ADGRA3: variants seen among roughly 807,000 people sequenced by gnomAD.
ADGRA3 encodes the protein G-protein coupled receptor 125.
Under a neutral mutation model 119.8 loss-of-function variants are expected in ADGRA3, and 56 were observed. That is an observed-to-expected ratio of 0.47 (90% confidence interval 0.38 to 0.58). The LOEUF (loss-of-function observed/expected upper bound fraction) is 0.58. Ranked by LOEUF, ADGRA3 falls within the 20% of genes least tolerant of loss-of-function variation. ADGRA3 has a pLI of 0.00. For missense variants in ADGRA3, 1,516 were observed against 1,649.0 expected, an observed-to-expected ratio of 0.92 and a Z score of 1.40; for synonymous variants, 607 against 623.8, an observed-to-expected ratio of 0.97 and a Z score of 0.40.
At chr4:22,498,868 C>T (rs1296832512) in intron 1 of ADGRA3, among the ~76,000 whole-genome samples, 1 of 151,600 alleles carries the variant, frequency 6.6e-6, no homozygotes, top group Non-Finnish European at 1.5e-5. Context: ...GAGCAGAGAT[C>T]ACACCACTGC....
rs2109062548 is a variant in ADGRA3 at position 22,436,706 on chromosome 4, A to AGC, written c.1086-67_1086-66dup. On this transcript the variant is annotated intron_variant, in intron 8 of 18. Coordinates refer to ENST00000334304, the MANE Select transcript of ADGRA3 (RefSeq NM_145290.4). Reference sequence around the variant, plus strand: ...ACACGGGTACATCAAGAATAACAACAGCAGAGAAAAAAATCAAAGATGAAG... The same window carrying AGC: ...ACACGGGTACATCAAGAATAACAACAGCGCAGAGAAAAAAATCAAAGATGAAG... The AGC allele has an allele frequency of 2.2e-6, 3 of 1,379,202 alleles. No homozygotes were observed. In the East Asian group the frequency reaches 7.0e-5, roughly 32 times the overall value. The allele number at this position is 1,379,202 out of a possible 1,614,324, so 85.4% of individuals were successfully genotyped here. A position where few individuals can be genotyped will look rare whatever the true frequency, so the allele number is the denominator to read the frequency against.
At chr4:22,413,150 G>C in intron 14 of ADGRA3, 32 bp downstream of exon 14, 1 of 1,464,836 alleles carries the variant, frequency 6.8e-7, no homozygotes, top group Non-Finnish European at 9.6e-7. Flanking sequence ...ATGTAGAATA[G>C]TGTTTATGCA....
chr4:22,394,107 A>C (rs1290543876), intron 16 of ADGRA3: 3 of 152,138 alleles, frequency 2.0e-5, no homozygotes, highest in Non-Finnish European at 2.9e-5. Flanking sequence ...TTTTTTAATC[A>C]CTGCTTTTTT....
chr4:22,443,786 C>G (rs1176885909), intron 6 of ADGRA3, among the ~76,000 whole-genome samples: 1 of 152,114 alleles, frequency 6.6e-6, no homozygotes, highest in Admixed American at 6.6e-5. Flanking sequence ...GGTCTTAACA[C>G]TAGCTATTTT....
intron 1 of ADGRA3, among the ~76,000 whole-genome samples, chr4:22,511,683 G>T (rs1002354634): frequency 6.6e-6 from 1 of 152,022 alleles, no homozygotes; most frequent in East Asian, 1.9e-4. Context: ...CAGGGAGCCT[G>T]GCCATCCTCG....
Position 22,413,781 on chromosome 4 carries a change from G to C in ADGRA3, c.1843C>G (p.Pro615Ala). 6.2e-7 allele frequency: 1 copy of C among 1,613,642 alleles called. No homozygotes were observed. The highest frequency in any genetic ancestry group is 8.5e-7 in the Non-Finnish European group (1 of 1,179,790). Residue 615 changes from proline to alanine, a missense_variant, in exon 13 of 19, where the codon CCT becomes GCT. By Grantham distance (27) the Pro-to-Ala change is conservative (BLOSUM62 -1). Around this residue, in one of 2 missense-constraint regions of ADGRA3, gnomAD observed 1,088 missense variants for 1,107.1 expected, o/e 0.98. Transcript: ENST00000334304. ...TTTTGCTTTGGTGAGAAAAGGGAAG[G>C]AGGAAGCTGAATAGAAGCCTCCACA... ...TIVEASIQLP[P>A]SLFSPKQKRE...
At chr4:22,394,622 T>C (rs550339084) in intron 16 of ADGRA3, 2 of 152,342 alleles carry the variant, frequency 1.3e-5, no homozygotes, top group Admixed American at 6.5e-5. Context: ...CTACTATTGC[T>C]GGAGGTGTCT....
intron 4 of ADGRA3, among the ~76,000 whole-genome samples, chr4:22,451,809 C>T (rs1051291019): frequency 1.3e-5 from 2 of 152,128 alleles, no homozygotes; most frequent in Admixed American, 1.3e-4. Flanking sequence ...TTTTGTATAC[C>T]TTCTCTTTCA....
intron 10 of ADGRA3, among the ~76,000 whole-genome samples, chr4:22,427,413 GC>G (rs1227488724): frequency 1.3e-5 from 2 of 151,848 alleles, no homozygotes; most frequent in African/African-American, 4.8e-5. Flanking sequence ...CTACTGCTAT[GC>G]CCTGCTAGAT....
chr4:22,428,633 G>A (rs532320981), intron 10 of ADGRA3, among the ~76,000 whole-genome samples: 14 of 152,244 alleles, frequency 9.2e-5, no homozygotes, highest in East Asian at 3.9e-4. Context: ...TAGTCTTCAC[G>A]ATGTTCTCCT....
intron 16 of ADGRA3, chr4:22,394,217 T>C (rs1259458379): frequency 6.6e-6 from 1 of 152,094 alleles, no homozygotes; most frequent in African/African-American, 2.4e-5. Context: ...TGGACCACTG[T>C]CCAGAGTTTA....
intron 3 of ADGRA3, among the ~76,000 whole-genome samples, chr4:22,455,507 T>C (rs1717206967): frequency 6.6e-6 from 1 of 152,224 alleles, no homozygotes; most frequent in Non-Finnish European, 1.5e-5. Flanking sequence ...TTCAGACTCC[T>C]AGCCAAATTA....
chr4:22,467,573 CAAT>C (rs1253156975), intron 2 of ADGRA3, among the ~76,000 whole-genome samples: 1 of 152,160 alleles, frequency 6.6e-6, no homozygotes, highest in African/African-American at 2.4e-5. Context: ...AATTTGGAGT[CAAT>C]GATGAACTGC....
rs946612775 is a variant in ADGRA3, at chr4:22,515,717, G to A, written c.68C>T (p.Ala23Val). 6 of 1,063,562 alleles carry A rather than the reference G, an allele frequency of 5.6e-6. No homozygotes were observed. The African/African-American group carries it at 8.6e-5, about 15-fold the overall frequency. 65.9% of individuals were successfully genotyped at this position (1,063,562 alleles called of 1,614,324 possible). The change falls in exon 1 of 19, where the codon GCG becomes GTG. Residue 23 changes from alanine (A) to valine (V), a missense_variant. Around this residue, in one of 2 missense-constraint regions of ADGRA3, gnomAD observed 428 missense variants for 541.9 expected, o/e 0.79. Transcript: ENST00000334304. ...PPLLLPLSLL[A>V]LLALLGGGGG... The stretch of plus-strand genomic sequence containing the variant: ...GCCGCCTCCCAGCAGCGCGAGCAGC[G>A]CTAACAGCGAGAGCGGCAGCAACAG...
chr4:22,484,797 C>T (rs923997746), intron 1 of ADGRA3, among the ~76,000 whole-genome samples: 1 of 151,970 alleles, frequency 6.6e-6, no homozygotes, highest in African/African-American at 2.4e-5. Context: ...TCTCTGGCTC[C>T]CTCGCTGAAA....
chr4:22,401,333 G>T lies in ADGRA3; in HGVS notation c.2481+98C>A, dbSNP rs1051179511. The T allele has an allele frequency of 7.6e-5, 81 of 1,068,654 alleles. 2 individuals are homozygous for T. Among genetic ancestry groups the T allele is most frequent in the Non-Finnish European group, 9.7e-5 (74 of 759,384 alleles). 66.2% of individuals were successfully genotyped at this position (1,068,654 alleles called of 1,614,324 possible). ...ATAAATTTAACTTTAATCAGTTAAA[G>T]AAAAGGTATTAAAGAATGATTTTTT... On this transcript the variant is annotated intron_variant, in intron 16 of 18. Coordinates refer to ENST00000334304, the MANE Select transcript of ADGRA3 (RefSeq NM_145290.4).
At chr4:22,420,520 G>A in intron 12 of ADGRA3, 1 of 287,560 alleles carries the variant, frequency 3.5e-6, no homozygotes, top group Non-Finnish European at 6.4e-6. Flanking sequence ...ACTTTTAGGG[G>A]CCCATGAAAA....
intron 1 of ADGRA3, among the ~76,000 whole-genome samples, chr4:22,505,354 A>G (rs923520328): frequency 6.6e-6 from 1 of 152,168 alleles, no homozygotes; most frequent in African/African-American, 2.4e-5. Flanking sequence ...CCCGTTGCCC[A>G]TTTAGAATTT....
At chr4:22,495,724 C>T (rs781646713) in intron 1 of ADGRA3, among the ~76,000 whole-genome samples, 5 of 150,438 alleles carry the variant, frequency 3.3e-5, no homozygotes, top group Non-Finnish European at 7.4e-5. Flanking sequence ...CTGGCTAACA[C>T]GGTGAAACCC....
Sources: allele counts gnomAD v4.1 joint callset (sites outside exome capture counted in the v4.1 genomes callset), GRCh38; gene constraint gnomAD v4.1.1; regional missense constraint gnomAD v4.1.1; transcripts MANE v1.5; gene names NCBI Gene and HGNC (gene_info 2026-07-23, HGNC 2026-07-21).